The following SCN1A variants were observed in gnomAD, a reference collection of about 807,000 sequenced individuals.
SCN1A encodes the protein sodium channel protein type 1 subunit alpha.
In SCN1A, 13 loss-of-function variants were observed where a neutral mutation model predicts 193.7. That is an observed-to-expected ratio of 0.07 (90% CI 0.04 to 0.11). The LOEUF (loss-of-function observed/expected upper bound fraction) is 0.11, where lower values mean the gene tolerates loss of function less well. SCN1A is among the 10% of genes least tolerant of loss of function. SCN1A has a pLI of 1.00. For missense variants in SCN1A, 1,432 were observed against 2,451.1 expected, an observed-to-expected ratio of 0.58 and a Z score of 8.78; for synonymous variants, 781 against 843.6, an observed-to-expected ratio of 0.93 and a Z score of 1.29.
chr2:166,044,721 ATT>A (rs11310159), intron 13 of SCN1A, among the ~76,000 whole-genome samples: 106 of 150,980 alleles, frequency 7.0e-4, no homozygotes, highest in Non-Finnish European at 9.8e-4. Context: ...GGAGTTCCAC[ATT>A]TTTTTTTTTC....
chr2:166,045,484 T>G (rs868764679), intron 12 of SCN1A, among the ~76,000 whole-genome samples, 157 bp from the exon 13 acceptor site: 1 of 152,302 alleles, frequency 6.6e-6, no homozygotes. Flanking sequence ...GGAGATTTTT[T>G]TTTTCTTTCT....
chr2:166,090,488 G>A (rs891568048), intron 2 of SCN1A, among the ~76,000 whole-genome samples: 1 of 152,150 alleles, frequency 6.6e-6, no homozygotes, highest in Non-Finnish European at 1.5e-5. Flanking sequence ...TCTTACAAGT[G>A]ATGCAATACA....
At chr2:166,041,170 TA>T in intron 16 of SCN1A, 60 bp downstream of exon 16, 2 of 1,207,344 alleles carry the variant, frequency 1.7e-6, no homozygotes, top group Non-Finnish European at 2.5e-6. Flanking sequence ...CAATTAAATG[TA>T]AACAGTTTTT....
chr2:166,130,490 C>T (rs1691613855), upstream of SCN1A, among the ~76,000 whole-genome samples: 1 of 151,872 alleles, frequency 6.6e-6, no homozygotes, highest in African/African-American at 2.4e-5. Context: ...ACCTTTCATC[C>T]ATCTACACAT....
rs536933904 is a variant in SCN1A at position 165,987,445 on chromosome 2, T to A, written c.*3800A>T. 1.3e-5 allele frequency: 2 copies of A among 152,300 alleles called. No individual in the cohort carries two copies. Among genetic ancestry groups the A allele is most frequent in the East Asian group, 3.9e-4 (2 of 5,190 alleles). The allele number at this position is 152,300 out of a possible 1,614,324, so 9.4% of individuals were successfully genotyped here. A position where few individuals can be genotyped will look rare whatever the true frequency, so the allele number is the denominator to read the frequency against. On this transcript the variant is annotated 3_prime_UTR_variant, in exon 29 of 29. Coordinates refer to ENST00000674923, the MANE Select transcript of SCN1A (RefSeq NM_001165963.4). ...TTTTAATACTCATTGATGATTCTTG[T>A]ATGAATCAATTGTCATTAGGGTGAT... is the stretch of plus-strand genomic sequence containing the variant.
In SCN1A at chr2:166,015,675, G is replaced by A. The variant is rs548189249; in HGVS notation, c.3482C>T (p.Ala1161Val). ...CACTACGGGCTGTTCTTCTACAGGT[G>A]CGCCGATGTCCACAGTGCTACCTTC... ...SSEGSTVDIGAPVEEQPVVEP... is the reference protein window; with the variant it reads ...SSEGSTVDIGVPVEEQPVVEP... Residue 1161 changes from alanine to valine, a missense_variant, in exon 20 of 29, where the codon GCA (alanine) becomes GTA (valine). Coordinates refer to ENST00000674923, the MANE Select transcript of SCN1A (RefSeq NM_001165963.4). 1.2e-6 allele frequency: 2 copies of A among 1,612,902 alleles called. No individual in the cohort carries two copies. Among genetic ancestry groups the A allele is most frequent in the South Asian group, 1.1e-5 (1 of 91,062 alleles).
At chr2:166,063,895 T>A (rs1168692989) in intron 4 of SCN1A, among the ~76,000 whole-genome samples, 1 of 152,094 alleles carries the variant, frequency 6.6e-6, no homozygotes, top group African/African-American at 2.4e-5. Context: ...ACTCAATAGC[T>A]ACACAAGGCT....
intron 2 of SCN1A, among the ~76,000 whole-genome samples, chr2:166,093,102 GA>G (rs941904547): frequency 2.0e-5 from 3 of 151,762 alleles, no homozygotes; most frequent in Admixed American, 2.0e-4. Flanking sequence ...GAGTGAGTCA[GA>G]ATGTTATGAG....
In SCN1A at chr2:165,991,773, C is replaced by T. The variant is rs754566611; in HGVS notation, c.5502G>A (p.Ala1834=). The change falls in exon 29 of 29, where the codon GCG becomes GCA. Residue 1834 remains alanine, a synonymous_variant. Transcript: ENST00000674923. ...GTGGCAGATTGAGAGGCGGTTCAAGCGCAGCTGCAAACTGAGATAATTTTT... is the reference window on the plus strand; with the variant it reads ...GTGGCAGATTGAGAGGCGGTTCAAGTGCAGCTGCAAACTGAGATAATTTTT... ...EFEKLSQFAA[A]LEPPLNLPQP... 11 of 1,613,748 alleles carry T rather than the reference C, an allele frequency of 6.8e-6. No individual in the cohort carries two copies. The highest frequency in any genetic ancestry group is 4.5e-5 in the East Asian group (2 of 44,856).
intron 9 of SCN1A, among the ~76,000 whole-genome samples, chr2:166,049,485 G>A (rs550674916): frequency 1.1e-4 from 16 of 151,834 alleles, no homozygotes; most frequent in South Asian, 2.1e-4. Flanking sequence ...CAGAATATAG[G>A]CAACTTATAG....
At chr2:166,062,520 C>G (rs1683416071) in intron 4 of SCN1A, among the ~76,000 whole-genome samples, 1 of 152,118 alleles carries the variant, frequency 6.6e-6, no homozygotes, top group Non-Finnish European at 1.5e-5. Context: ...TCAGATACAG[C>G]TTTCTCCCAA....
intron 1 of SCN1A, among the ~76,000 whole-genome samples, chr2:166,147,453 G>A (rs1034605974): frequency 6.6e-6 from 1 of 152,012 alleles, no homozygotes; most frequent in Admixed American, 6.6e-5. Flanking sequence ...ATCCCTTTTA[G>A]CAATAGCCAA....
At chr2:166,070,786 G>T (rs976984997) in intron 4 of SCN1A, among the ~76,000 whole-genome samples, 1 of 152,178 alleles carries the variant, frequency 6.6e-6, no homozygotes, top group African/African-American at 2.4e-5. Context: ...AAGATTGATT[G>T]GTTGTTCTGG....
rs919443572 is a variant in SCN1A at position 166,122,220 on chromosome 2, A to C, written c.-142+4704T>G. Among the ~76,000 whole-genome samples, 4 of 152,242 alleles carry C rather than the reference A, an allele frequency of 2.6e-5. No individual in the cohort carries two copies. In the East Asian group the frequency reaches 7.7e-4, roughly 29 times the overall value. ...AGTAGTTTCCCCAATGGTATCTGTG[A>C]AACAAAAGCATACTAGCAACATATA... On this transcript the variant is annotated intron_variant, in intron 2 of 28. Transcript: ENST00000674923.
intron 3 of SCN1A, among the ~76,000 whole-genome samples, chr2:166,075,095 A>AT (rs1684859876): frequency 6.6e-6 from 1 of 152,138 alleles, no homozygotes; most frequent in African/African-American, 2.4e-5. Context: ...ACTAACATTT[A>AT]TTTTTTGCAA....
intron 4 of SCN1A, 122 bp from the exon 5 acceptor site, chr2:166,058,810 C>T: frequency 1.5e-6 from 1 of 678,930 alleles, no homozygotes; most frequent in Non-Finnish European, 2.7e-6. Flanking sequence ...AGCACAATCA[C>T]AATTTCTAAA....
intron 24 of SCN1A, among the ~76,000 whole-genome samples, chr2:166,000,862 A>G (rs1290555861): frequency 6.6e-6 from 1 of 151,450 alleles, no homozygotes; most frequent in Non-Finnish European, 1.5e-5. Flanking sequence ...AGGTGATTCT[A>G]TAAAAGCCAA....
chr2:166,027,925 A>G (rs1384292817), intron 19 of SCN1A, among the ~76,000 whole-genome samples: 2 of 152,292 alleles, frequency 1.3e-5, no homozygotes, highest in African/African-American at 2.4e-5. Context: ...ATGAGACTCA[A>G]CATTTCCACA....
intron 4 of SCN1A, among the ~76,000 whole-genome samples, chr2:166,066,649 C>T (rs558578960): frequency 1.3e-5 from 2 of 152,200 alleles, no homozygotes; most frequent in East Asian, 3.9e-4. Flanking sequence ...TCTCAAACTT[C>T]CTATCTAAGA....
Sources: allele counts gnomAD v4.1 joint callset (sites outside exome capture counted in the v4.1 genomes callset), GRCh38; gene constraint gnomAD v4.1.1; transcripts MANE v1.5; gene names NCBI Gene and HGNC (gene_info 2026-07-23, HGNC 2026-07-21).